The following DKK2 variants were observed in gnomAD, a reference collection of about 807,000 sequenced individuals.
DKK2 encodes the protein dickkopf-related protein 2.
DKK2 carries 11 observed loss-of-function variants against 28.1 expected under a neutral mutation model. The ratio of observed to expected loss-of-function variants is 0.39; its 90% confidence interval spans 0.25 to 0.65. The LOEUF (loss-of-function observed/expected upper bound fraction) is 0.65, where lower values mean the gene tolerates loss of function less well. DKK2 is among the 30% of genes least tolerant of loss of function. DKK2 has a pLI of 0.47. For missense variants in DKK2, 326 were observed against 335.5 expected (o/e 0.97, Z 0.22); for synonymous variants, 135 against 126.5 (o/e 1.07, Z -0.45).
At chr4:107,005,780 G>T (rs898097730) in intron 1 of DKK2, among the ~76,000 whole-genome samples, 3 of 152,100 alleles carry the variant, frequency 2.0e-5, no homozygotes, top group Admixed American at 6.5e-5. Context: ...CTCACCATTA[G>T]ATAAACTATA....
intron 1 of DKK2, among the ~76,000 whole-genome samples, chr4:106,937,961 T>G (rs1265867662): frequency 7.0e-6 from 1 of 143,196 alleles, no homozygotes; most frequent in Non-Finnish European, 1.5e-5. Context: ...TGGGACGCAT[T>G]CAAAGCAGTG....
At chr4:106,969,620 C>A (rs1722834481) in intron 1 of DKK2, among the ~76,000 whole-genome samples, 1 of 151,708 alleles carries the variant, frequency 6.6e-6, no homozygotes, top group Admixed American at 6.6e-5. Context: ...TGGTCCCTGG[C>A]CTGTAAACTT....
chr4:106,962,907 A>G (rs1247082427), intron 1 of DKK2, among the ~76,000 whole-genome samples: 2 of 152,042 alleles, frequency 1.3e-5, no homozygotes, highest in African/African-American at 4.8e-5. Context: ...ACAACTCAAT[A>G]GAAAAAAAAT....
At chr4:107,002,879 T>C (rs1268350422) in intron 1 of DKK2, among the ~76,000 whole-genome samples, 3 of 152,166 alleles carry the variant, frequency 2.0e-5, no homozygotes, top group Non-Finnish European at 4.4e-5. Flanking sequence ...TCCTATAAAA[T>C]GGGGAGAATA....
chr4:107,035,798 C>A lies in DKK2; in HGVS notation c.-207G>T. ...AAATTAGCGGAACCCAAGCGAGACCCGCTTCTCCACCAGGACAGGAAGTTC... is the reference window on the plus strand; with the variant it reads ...AAATTAGCGGAACCCAAGCGAGACCAGCTTCTCCACCAGGACAGGAAGTTC... On this transcript the variant is annotated 5_prime_UTR_variant, in exon 1 of 4. Transcript: ENST00000285311. The A allele has an allele frequency of 5.1e-6, 3 of 591,442 alleles. No individual in the cohort carries two copies. Among genetic ancestry groups the A allele is most frequent in the South Asian group, 4.1e-5 (2 of 49,074 alleles). 36.6% of individuals were successfully genotyped at this position (591,442 alleles called of 1,614,324 possible).
chr4:106,965,410 G>A (rs562596673), intron 1 of DKK2, among the ~76,000 whole-genome samples: 2 of 152,136 alleles, frequency 1.3e-5, no homozygotes, highest in African/African-American at 4.8e-5. Context: ...TCAAAGCCAA[G>A]AGTTATACAG....
intron 1 of DKK2, among the ~76,000 whole-genome samples, chr4:106,937,567 A>C (rs1317434210): frequency 6.6e-6 from 1 of 151,696 alleles, no homozygotes; most frequent in East Asian, 1.9e-4. Context: ...ACGAGACAGA[A>C]AGTCAACAAG....
intron 1 of DKK2, among the ~76,000 whole-genome samples, chr4:106,935,057 A>G (rs1478588272): frequency 6.6e-6 from 1 of 152,194 alleles, no homozygotes; most frequent in Non-Finnish European, 1.5e-5. Flanking sequence ...TGATCACCAC[A>G]AAGTTTAAAT....
At chr4:106,985,544 C>T (rs556964433) in intron 1 of DKK2, among the ~76,000 whole-genome samples, 1 of 151,972 alleles carries the variant, frequency 6.6e-6, no homozygotes, top group South Asian at 2.1e-4. Context: ...CATGGTGGCT[C>T]AGGCCTGTAA....
At chr4:106,941,566 C>T (rs1724699398) in intron 1 of DKK2, among the ~76,000 whole-genome samples, 1 of 152,172 alleles carries the variant, frequency 6.6e-6, no homozygotes, top group South Asian at 2.1e-4. Flanking sequence ...GTTCAGTTGT[C>T]AAGGCAGATC....
rs1724381268 is a variant in DKK2 at position 106,923,657 on chromosome 4, C to T, written c.*297G>A. 3.1e-6 allele frequency: 1 copy of T among 319,390 alleles called. No individual in the cohort carries two copies. Among genetic ancestry groups the T allele is most frequent in the Non-Finnish European group, 5.9e-6 (1 of 169,474 alleles). The allele number at this position is 319,390 out of a possible 1,614,324, so 19.8% of individuals were successfully genotyped here. On this transcript the variant is annotated 3_prime_UTR_variant, in exon 4 of 4. Coordinates refer to ENST00000285311, the MANE Select transcript of DKK2 (RefSeq NM_014421.3). ...ACCTAAACTCTTGGAAAGTCACATGCTACTCATCAGTAATTTCCACTGTGT... is the reference window on the plus strand; with the variant it reads ...ACCTAAACTCTTGGAAAGTCACATGTTACTCATCAGTAATTTCCACTGTGT...
intron 2 of DKK2, 27 bp downstream of exon 2, chr4:106,925,772 C>A (rs746141947): frequency 1.3e-6 from 2 of 1,588,004 alleles, no homozygotes; most frequent in Non-Finnish European, 8.6e-7. Flanking sequence ...AGAAAGAGGC[C>A]CATTAACACT....
At chr4:106,962,514 T>A (rs1722706433) in intron 1 of DKK2, among the ~76,000 whole-genome samples, 1 of 110,466 alleles carries the variant, frequency 9.1e-6, no homozygotes, top group South Asian at 2.9e-4. Context: ...TGTGTGTGTG[T>A]GTGTGTGTGT....
At chr4:106,938,235 G>A (rs1724631025) in intron 1 of DKK2, among the ~76,000 whole-genome samples, 1 of 149,638 alleles carries the variant, frequency 6.7e-6, no homozygotes, top group Admixed American at 6.7e-5. Context: ...GACTAATAAA[G>A]AAAAAAAGAG....
At chr4:106,941,161 G>T (rs1330045970) in intron 1 of DKK2, among the ~76,000 whole-genome samples, 1 of 151,712 alleles carries the variant, frequency 6.6e-6, no homozygotes, top group Non-Finnish European at 1.5e-5. Flanking sequence ...TGACAAGGAG[G>T]TGATTCACGG....
intron 1 of DKK2, among the ~76,000 whole-genome samples, chr4:107,032,895 C>T (rs918029001): frequency 1.3e-5 from 2 of 151,126 alleles, no homozygotes; most frequent in Non-Finnish European, 2.9e-5. Flanking sequence ...AAGGAAATAA[C>T]ATCTTCCCTG....
At chr4:107,012,887 ATCTT>A (rs1392003847) in intron 1 of DKK2, among the ~76,000 whole-genome samples, 3 of 150,846 alleles carry the variant, frequency 2.0e-5, no homozygotes, top group Non-Finnish European at 3.0e-5. Context: ...AGATTCTCAG[ATCTT>A]TCTTTTATAT....
At chr4:106,944,615 G>A (rs1724751153) in intron 1 of DKK2, among the ~76,000 whole-genome samples, 1 of 151,954 alleles carries the variant, frequency 6.6e-6, no homozygotes, top group Non-Finnish European at 1.5e-5. Flanking sequence ...CCTGTTACCT[G>A]GACAAAGAGG....
In DKK2 at chr4:107,035,484, G is replaced by T. The variant is rs773580799; in HGVS notation, c.108C>A (p.Asn36Lys). 6.2e-7 allele frequency: 1 copy of T among 1,614,222 alleles called. No homozygotes were observed. Among genetic ancestry groups the T allele is most frequent in the Non-Finnish European group, 8.5e-7 (1 of 1,180,048 alleles). The change falls in exon 1 of 4, where the codon AAC becomes AAA. Residue 36 changes from asparagine (N) to lysine (K), a missense_variant. Asn to Lys is a moderately conservative substitution (Grantham distance 94). Transcript: ENST00000285311. ...CCCCGCCCAGAGAGGACTTGATGGAGTTGAGTTTGGCCCGCGAACTGCCGA... is the reference window on the plus strand; with the variant it reads ...CCCCGCCCAGAGAGGACTTGATGGATTTGAGTTTGGCCCGCGAACTGCCGA... ...SQIGSSRAKL[N>K]SIKSSLGGET... is the part of the protein sequence containing the mutation.
Sources: allele counts gnomAD v4.1 joint callset (sites outside exome capture counted in the v4.1 genomes callset), GRCh38; gene constraint gnomAD v4.1.1; transcripts MANE v1.5; gene names NCBI Gene and HGNC (gene_info 2026-07-23, HGNC 2026-07-21).